Variants in MDFIC observed in about 807,000 individuals in gnomAD.
MDFIC encodes the protein MyoD family inhibitor domain containing.
Under a neutral mutation model 23.2 loss-of-function variants are expected in MDFIC, and 17 were observed. The ratio of observed to expected loss-of-function variants is 0.73; its 90% CI spans 0.50 to 1.10. The LOEUF is 1.10. Among genes scored for constraint, MDFIC ranks in the 50% least tolerant of loss-of-function variants. MDFIC has a pLI of 0.00. For missense variants in MDFIC, 356 were observed against 316.6 expected (o/e 1.12, Z -0.95); for synonymous variants, 120 against 115.2 (o/e 1.04, Z -0.27).
chr7:114,954,389 G>A (rs1471040911), intron 3 of MDFIC, among the ~76,000 whole-genome samples: 2 of 152,166 alleles, frequency 1.3e-5, no homozygotes, highest in Non-Finnish European at 2.9e-5. Flanking sequence ...TAATCTTATG[G>A]CATTTCTGCC....
At chr7:115,007,424 T>C (rs1467257946) in intron 4 of MDFIC, among the ~76,000 whole-genome samples, 1 of 151,982 alleles carries the variant, frequency 6.6e-6, no homozygotes, top group Admixed American at 6.6e-5. Context: ...AGATTCAGTA[T>C]GTGAATGTAA....
intron 4 of MDFIC, among the ~76,000 whole-genome samples, chr7:115,000,622 GCTT>G (rs1316801235): frequency 6.6e-6 from 1 of 151,918 alleles, no homozygotes; most frequent in Non-Finnish European, 1.5e-5. Flanking sequence ...TTTTTGAACA[GCTT>G]CTTTTTGCTT....
intron 3 of MDFIC, 74 bp downstream of exon 3, chr7:114,942,471 C>G: frequency 1.7e-6 from 2 of 1,155,562 alleles, no homozygotes; most frequent in Non-Finnish European, 2.4e-6. Flanking sequence ...TTAATTGCCC[C>G]AGATAATTCT....
intron 3 of MDFIC, among the ~76,000 whole-genome samples, chr7:114,956,235 G>C (rs1174656411): frequency 6.6e-6 from 1 of 151,912 alleles, no homozygotes; most frequent in Admixed American, 6.6e-5. Context: ...CCCTTGTGTT[G>C]GCAAGAGAAA....
At chr7:114,970,837 A>T (rs550414033) in intron 3 of MDFIC, among the ~76,000 whole-genome samples, 1 of 152,308 alleles carries the variant, frequency 6.6e-6, no homozygotes, top group Admixed American at 6.5e-5. Context: ...CCTGGCTACC[A>T]AGGCTGTTCC....
chr7:114,926,775 T>A (rs1792199246), intron 2 of MDFIC, among the ~76,000 whole-genome samples: 1 of 152,206 alleles, frequency 6.6e-6, no homozygotes, highest in Non-Finnish European at 1.5e-5. Context: ...GTCAGTAGTT[T>A]ATAGAGGCTA....
Position 114,923,011 on chromosome 7 carries a change from G to A in MDFIC, c.-23G>A. On this transcript the variant is annotated 5_prime_UTR_variant, in exon 2 of 5. Transcript: ENST00000393486. ...CGGCGAGCTAGGCGGCAGCGGCGCG[G>A]CGCGGGCTCGGCGGAGCGGCCCATG... 2.7e-6 allele frequency: 4 copies of A among 1,468,976 alleles called. No individual in the cohort carries two copies. Among genetic ancestry groups the A allele is most frequent in the Non-Finnish European group, 3.6e-6 (4 of 1,107,880 alleles). 91.0% of individuals were successfully genotyped at this position (1,468,976 alleles called of 1,614,324 possible). A position where few individuals can be genotyped will look rare whatever the true frequency, so the allele number is the denominator to read the frequency against.
intron 4 of MDFIC, among the ~76,000 whole-genome samples, chr7:114,983,675 C>T (rs555990264): frequency 2.1e-5 from 3 of 145,428 alleles, no homozygotes; most frequent in Admixed American, 7.3e-5. Flanking sequence ...TCAAGCGATT[C>T]GCCTGCCTCA....
At chr7:114,988,115 A>C (rs189720402) in intron 4 of MDFIC, among the ~76,000 whole-genome samples, 1 of 152,188 alleles carries the variant, frequency 6.6e-6, no homozygotes, top group African/African-American at 2.4e-5. Flanking sequence ...CTATGTATGG[A>C]CTTCACCGTT....
chr7:114,989,047 C>T (rs554729462), intron 4 of MDFIC, among the ~76,000 whole-genome samples: 4 of 152,052 alleles, frequency 2.6e-5, no homozygotes, highest in Non-Finnish European at 5.9e-5. Flanking sequence ...ATCAGATAGA[C>T]AGTAAGTCAG....
At chr7:114,985,015 A>T (rs367928684) in intron 4 of MDFIC, among the ~76,000 whole-genome samples, 2 of 152,168 alleles carry the variant, frequency 1.3e-5, no homozygotes, top group East Asian at 3.9e-4. Flanking sequence ...AAGTAACTAC[A>T]ATCATCTCAT....
chr7:114,973,464 G>T lies in MDFIC; in HGVS notation c.218-6042G>T, dbSNP rs114922746. On this transcript the variant is annotated intron_variant, in intron 3 of 4. Coordinates refer to ENST00000393486, the MANE Select transcript of MDFIC (RefSeq NM_001166345.3). ...CCTAAAAGTGGCAGAAATAATTCCT[G>T]CTCTCATTCCTTTAGAGAGAACGTA... is the stretch of plus-strand genomic sequence containing the variant. Among the ~76,000 whole-genome samples, 648 of 152,188 alleles carry T rather than the reference G, an allele frequency of 4.3e-3. 5 individuals are homozygous for T. The highest frequency in any genetic ancestry group is 0.015 in the African/African-American group (634 of 41,524).
intron 4 of MDFIC, among the ~76,000 whole-genome samples, chr7:114,989,545 C>G (rs1793569768): frequency 6.6e-6 from 1 of 152,070 alleles, no homozygotes; most frequent in African/African-American, 2.4e-5. Context: ...ATAATGATAC[C>G]TTCTTGACAA....
chr7:114,997,577 A>T (rs1318890646), intron 4 of MDFIC, among the ~76,000 whole-genome samples: 1 of 1,202 alleles, frequency 8.3e-4, no homozygotes, highest in Non-Finnish European at 7.1e-3. Flanking sequence ...TCTCTACAGG[A>T]AAAAAAAAAA....
exon 5 of MDFIC, among the ~76,000 whole-genome samples, chr7:115,019,915 GTTTTC>G (rs891753212): frequency 1.3e-5 from 2 of 152,060 alleles, no homozygotes; most frequent in Non-Finnish European, 2.9e-5. Flanking sequence ...TGCAGTGAGT[GTTTTC>G]TTTGTGCTTG....
Position 114,979,501 on chromosome 7 carries a change from T to C in MDFIC, c.218-5T>C. 10 of 1,578,404 alleles carry C rather than the reference T, an allele frequency of 6.3e-6. No individual in the cohort carries two copies. The highest frequency in any genetic ancestry group is 8.6e-6 in the Non-Finnish European group (10 of 1,164,600). ...CTGGCTGACTTTTTCCTGTTTTTAA[T>C]TTAGCCCAACCTCAGCGCTTGCCTC... On this transcript the variant is annotated splice_polypyrimidine_tract_variant and splice_region_variant and intron_variant, in intron 3 of 4. Coordinates refer to ENST00000393486, the MANE Select transcript of MDFIC (RefSeq NM_001166345.3).
At position 115,015,781 on chromosome 7, in the gene MDFIC, C is replaced by A. The variant is rs1791783113; in HGVS notation, c.587C>A (p.Thr196Asn). The A allele has an allele frequency of 6.2e-7, 1 of 1,614,082 alleles. No homozygotes were observed. ...VLGQASCGIC[T>N]SEACCCCCGD... ...GGACAAGCGTCATGTGGCATCTGCA[C>A]CTCAGAAGCCTGCTGCTGTTGCTGT... is the stretch of plus-strand genomic sequence containing the variant. Residue 196 changes from threonine (T) to asparagine (N), a missense_variant, in exon 5 of 5, where the codon ACC becomes AAC. Coordinates refer to ENST00000393486, the MANE Select transcript of MDFIC (RefSeq NM_001166345.3).
In MDFIC at chr7:114,942,409, T is replaced by C; in HGVS notation, c.217+12T>C. 1 of 1,557,762 alleles carries C rather than the reference T, an allele frequency of 6.4e-7. No homozygotes were observed. The highest frequency in any genetic ancestry group is 1.2e-5 in the South Asian group (1 of 81,192). On this transcript the variant is annotated intron_variant, in intron 3 of 4. Coordinates refer to ENST00000393486, the MANE Select transcript of MDFIC (RefSeq NM_001166345.3). ...TGAACTCATTAGAAGTAAGTATTTT[T>C]AGAAAAAACTTTGAGTGATTTTGGG...
chr7:114,932,886 A>G (rs1345247583), intron 2 of MDFIC, among the ~76,000 whole-genome samples: 2 of 152,196 alleles, frequency 1.3e-5, no homozygotes, highest in African/African-American at 4.8e-5. Flanking sequence ...GTATACTTCA[A>G]ATTCACTTAC....
Sources: allele counts gnomAD v4.1 joint callset (sites outside exome capture counted in the v4.1 genomes callset), GRCh38; gene constraint gnomAD v4.1.1; transcripts MANE v1.5; gene names NCBI Gene and HGNC (gene_info 2026-07-23, HGNC 2026-07-21).